The following NOL8 variants were observed in gnomAD, a reference collection of about 807,000 sequenced individuals.
The protein encoded by NOL8 is nucleolar protein 8.
In NOL8, 93 loss-of-function variants were observed where a neutral mutation model predicts 116.1. The ratio of observed to expected loss-of-function variants is 0.80; its 90% CI spans 0.68 to 0.95. The LOEUF is 0.95. Among genes scored for constraint, NOL8 ranks in the 40% least tolerant of loss-of-function variants. The pLI, the probability that NOL8 is intolerant of heterozygous loss-of-function variation, is 0.00. For synonymous variants in NOL8, 419 were observed against 469.0 expected (o/e 0.89, Z 1.38); for missense variants, 1,291 against 1,382.8 (o/e 0.93, Z 1.05).
chr9:92,321,275 G>A (rs1839900106), intron 4 of NOL8, among the ~76,000 whole-genome samples: 2 of 152,264 alleles, frequency 1.3e-5, no homozygotes, highest in South Asian at 4.1e-4. Flanking sequence ...AGTAGAAACA[G>A]TCATCAGTGG....
intron 13 of NOL8, 78 bp downstream of exon 13, chr9:92,301,473 C>G (rs1837736703): frequency 1.8e-6 from 2 of 1,135,054 alleles, no homozygotes; most frequent in Non-Finnish European, 2.4e-6. Flanking sequence ...AACATGAAAT[C>G]TGTTACACTT....
intron 15 of NOL8, chr9:92,298,663 G>A (rs1371936375): frequency 8.4e-6 from 4 of 477,232 alleles, no homozygotes; most frequent in Non-Finnish European, 1.1e-5. Context: ...GGAAGCCCTT[G>A]GAACAAAACA....
At chr9:92,299,764 T>G in intron 14 of NOL8, 126 bp downstream of exon 14, 1 of 986,968 alleles carries the variant, frequency 1.0e-6, no homozygotes, top group Non-Finnish European at 1.4e-6. Flanking sequence ...AAAAAAAAAA[T>G]AAAATAAAAA....
chr9:92,310,387 A>C, intron 9 of NOL8, 126 bp from the exon 10 acceptor site: 1 of 1,153,798 alleles, frequency 8.7e-7, no homozygotes, highest in Non-Finnish European at 1.3e-6. Context: ...GCCTACCTCC[A>C]TCTACTTATG....
intron 3 of NOL8, 54 bp from the exon 4 acceptor site, chr9:92,321,800 C>G (rs994620066): frequency 3.3e-6 from 3 of 910,376 alleles, no homozygotes; most frequent in Non-Finnish European, 4.9e-6. Context: ...TATATTTCAG[C>G]TTGTGCTTTT....
chr9:92,315,869 C>T lies in NOL8; in HGVS notation c.756G>A (p.Gln252=). Reference sequence around the variant, plus strand: ...AATCACAAGTTCTTTTTTGTGCAGCCTGTTGCTGTGTTAAGGGTGGTCTCT... The same window carrying T: ...AATCACAAGTTCTTTTTTGTGCAGCTTGTTGCTGTGTTAAGGGTGGTCTCT... ...VIERPPLTQQ[Q]AAQKRTCDSI... The change falls in exon 7 of 17, where the codon CAG becomes CAA. Residue 252 remains glutamine, a synonymous_variant. Coordinates refer to ENST00000442668, the MANE Select transcript of NOL8 (RefSeq NM_017948.6). The T allele has an allele frequency of 6.2e-7, 1 of 1,613,878 alleles. No homozygotes were observed. Among genetic ancestry groups the T allele is most frequent in the Non-Finnish European group, 8.5e-7 (1 of 1,179,860 alleles).
intron 4 of NOL8, 120 bp downstream of exon 4, chr9:92,321,548 C>T (rs1197981014): frequency 5.0e-6 from 3 of 601,272 alleles, no homozygotes; most frequent in Admixed American, 3.8e-5. Context: ...TTCAGCTCTA[C>T]TTATATGTTT....
intron 6 of NOL8, among the ~76,000 whole-genome samples, chr9:92,317,502 G>A (rs1463263055): frequency 6.6e-6 from 1 of 152,176 alleles, no homozygotes; most frequent in Non-Finnish European, 1.5e-5. Flanking sequence ...CTAGGGCCTG[G>A]ATTCAGGTAG....
rs1837758625 is a variant in NOL8 at position 92,301,687 on chromosome 9, G to A, written c.3039C>T (p.Gly1013=). The part of the protein sequence containing the change: ...TTKYTSEKEE[G]TPWNEDCGKE... ...TACCACAGTCCTCATTCCAGGGTGT[G>A]CCCTCTTCCTTTTCACTGGTATATT... The change falls in exon 13 of 17, where the codon GGC becomes GGT. Residue 1013 remains glycine (G), a synonymous_variant. Coordinates refer to ENST00000442668, the MANE Select transcript of NOL8 (RefSeq NM_017948.6). 1 of 1,607,212 alleles carries A rather than the reference G, an allele frequency of 6.2e-7. No homozygotes were observed. The highest frequency in any genetic ancestry group is 8.5e-7 in the Non-Finnish European group (1 of 1,178,030).
chr9:92,309,532 A>G (rs1838574155), intron 10 of NOL8, among the ~76,000 whole-genome samples: 1 of 152,132 alleles, frequency 6.6e-6, no homozygotes, highest in Non-Finnish European at 1.5e-5. Context: ...AAGTTCTGAG[A>G]TTAGGAGAGG....
At position 92,298,244 on chromosome 9, in the gene NOL8, A is replaced by G. The variant is rs1837413669; in HGVS notation, c.3453+13T>C. ...TCTATTTTAGGAAATAATATGGAGA[A>G]ACAATTACTCACCATACGCAGGTTG... On this transcript the variant is annotated intron_variant, in intron 16 of 16. Coordinates refer to ENST00000442668, the MANE Select transcript of NOL8 (RefSeq NM_017948.6). 1.3e-6 allele frequency: 2 copies of G among 1,580,280 alleles called. No individual in the cohort carries two copies. The highest frequency in any genetic ancestry group is 1.7e-4 in the Middle Eastern group (1 of 6,010).
At chr9:92,321,028 C>T (rs563949660) in intron 4 of NOL8, among the ~76,000 whole-genome samples, 1 of 152,350 alleles carries the variant, frequency 6.6e-6, no homozygotes, top group South Asian at 2.1e-4. Context: ...TTGTCTTGCT[C>T]TTAAATCACT....
chr9:92,315,434 A>G lies in NOL8; in HGVS notation c.1191T>C (p.Ser397=). ...ATTTTTCCATTTGTGAAAATTCTGTACTGTTTTTGACCTTAGCAACATTTT... is the reference window on the plus strand; with the variant it reads ...ATTTTTCCATTTGTGAAAATTCTGTGCTGTTTTTGACCTTAGCAACATTTT... The part of the protein sequence containing the change: ...MKKNVAKVKN[S]TEFSQMEKST... The change falls in exon 7 of 17, where the codon AGT becomes AGC. Residue 397 remains serine, a synonymous_variant. Transcript: ENST00000442668. 1 of 1,590,994 alleles carries G rather than the reference A, an allele frequency of 6.3e-7. No homozygotes were observed. Among genetic ancestry groups the G allele is most frequent in the Non-Finnish European group, 8.6e-7 (1 of 1,167,280 alleles).
At chr9:92,321,852 A>T (rs1201803272) in intron 3 of NOL8, 106 bp from the exon 4 acceptor site, 1 of 610,556 alleles carries the variant, frequency 1.6e-6, no homozygotes, top group African/African-American at 1.9e-5. Flanking sequence ...TGTTTATCAC[A>T]AAGAGATCCA....
At chr9:92,300,063 C>G (rs947387858) in intron 13 of NOL8, 47 bp from the exon 14 acceptor site, 4 of 1,590,738 alleles carry the variant, frequency 2.5e-6, no homozygotes, top group African/African-American at 1.3e-5. Flanking sequence ...AACTCCACAG[C>G]CAAGTATTTC....
chr9:92,300,616 C>G (rs1837649099), intron 13 of NOL8: 2 of 996,694 alleles, frequency 2.0e-6, no homozygotes, highest in Admixed American at 5.8e-5. Context: ...GTTAGAAAAA[C>G]TATCGTTACT....
At position 92,318,704 on chromosome 9, in the gene NOL8, A is replaced by T. The variant is rs760893576; in HGVS notation, c.418-18T>A. 8 of 1,506,626 alleles carry T rather than the reference A, an allele frequency of 5.3e-6. No homozygotes were observed. The South Asian group carries it at 8.7e-5, about 16-fold the overall frequency. 93.3% of individuals were successfully genotyped at this position (1,506,626 alleles called of 1,614,324 possible). ...ACCCAATTCTAAAAGAAAAAAAAAGAATTTATTTACTATATGTGACACAAA... is the reference window on the plus strand; with the variant it reads ...ACCCAATTCTAAAAGAAAAAAAAAGTATTTATTTACTATATGTGACACAAA... On this transcript the variant is annotated intron_variant, in intron 5 of 16. Transcript: ENST00000442668.
intron 13 of NOL8, 65 bp downstream of exon 13, chr9:92,301,486 T>G (rs143808313): frequency 1.6e-6 from 2 of 1,252,556 alleles, no homozygotes; most frequent in Admixed American, 5.6e-5. Context: ...TTACACTTAA[T>G]GCAGATTCAA....
At chr9:92,316,796 A>T (rs1208519134) in intron 6 of NOL8, among the ~76,000 whole-genome samples, 2 of 152,210 alleles carry the variant, frequency 1.3e-5, no homozygotes, top group African/African-American at 4.8e-5. Context: ...TCTTAAAAAT[A>T]AAAATTAAAA....
Sources: gnomAD v4.1 joint callset for allele counts (sites outside exome capture counted in the v4.1 genomes callset) on GRCh38, gnomAD v4.1.1 for gene constraint, MANE v1.5 for transcripts, NCBI Gene and HGNC (gene_info 2026-07-23, HGNC 2026-07-21) for gene names.